DDR2: variants seen among roughly 807,000 people sequenced by gnomAD.
DDR2 encodes the protein discoidin domain-containing receptor 2.
DDR2 carries 27 observed loss-of-function variants against 94.9 expected under a neutral mutation model. The observed-to-expected ratio is 0.28, with a 90% CI of 0.21 to 0.39. The LOEUF is 0.39. Among genes scored for constraint, DDR2 ranks in the 10% least tolerant of loss-of-function variants. The pLI is 1.00. For missense variants in DDR2, 783 were observed against 1,076.0 expected, an observed-to-expected ratio of 0.73 and a Z score of 3.81; for synonymous variants, 382 against 377.2, an observed-to-expected ratio of 1.01 and a Z score of -0.15.
intron 2 of DDR2, among the ~76,000 whole-genome samples, chr1:162,706,959 G>T (rs1218988524): frequency 6.6e-6 from 1 of 152,200 alleles, no homozygotes; most frequent in East Asian, 1.9e-4. Flanking sequence ...TATTATCTTG[G>T]CAAGGATTGC....
chr1:162,763,919 A>G (rs1030850296), intron 9 of DDR2, among the ~76,000 whole-genome samples: 5 of 152,234 alleles, frequency 3.3e-5, no homozygotes, highest in African/African-American at 1.2e-4. Context: ...CATTTTCTTC[A>G]TCCTATTATT....
chr1:162,729,294 ATATATAT>A (rs1244212361), intron 3 of DDR2, among the ~76,000 whole-genome samples: 13 of 30,016 alleles, frequency 4.3e-4, no homozygotes, highest in African/African-American at 4.0e-4. Context: ...ATATATATAT[ATATATAT>A]TTTTTTTTTT....
At chr1:162,708,234 G>T (rs1660743197) in intron 2 of DDR2, among the ~76,000 whole-genome samples, 1 of 152,184 alleles carries the variant, frequency 6.6e-6, no homozygotes, top group Admixed American at 6.5e-5. Flanking sequence ...TCCAAGGAGG[G>T]TCTCCTGCAG....
At chr1:162,640,617 C>T (rs1429181646) in intron 1 of DDR2, among the ~76,000 whole-genome samples, 1 of 152,102 alleles carries the variant, frequency 6.6e-6, no homozygotes, top group African/African-American at 2.4e-5. Context: ...TGAAGGCAGT[C>T]ATTGTAATAT....
At chr1:162,684,985 G>A (rs1462871870) in intron 2 of DDR2, among the ~76,000 whole-genome samples, 1 of 152,136 alleles carries the variant, frequency 6.6e-6, no homozygotes, top group Non-Finnish European at 1.5e-5. Flanking sequence ...TGGGACACAA[G>A]AACTTTTCCC....
At chr1:162,724,682 C>G (rs1040477448) in intron 3 of DDR2, among the ~76,000 whole-genome samples, 1 of 152,194 alleles carries the variant, frequency 6.6e-6, no homozygotes. Context: ...GTGGCCTCAT[C>G]TGTTAACGAG....
rs150385417 is a variant in DDR2, at chr1:162,757,931, A to G, written c.672-1865A>G. On this transcript the variant is annotated intron_variant, in intron 7 of 17. Transcript: ENST00000367921. Reference sequence around the variant, plus strand: ...AAGTTTGACAGTCTAAGTGACTGAAACAATGGGGATGACATTTATTTATTC... The same window carrying G: ...AAGTTTGACAGTCTAAGTGACTGAAGCAATGGGGATGACATTTATTTATTC... 5.1e-3 allele frequency among the ~76,000 whole-genome samples: 776 copies of G among 152,330 alleles called. 2 individuals carry two copies. The highest frequency in any genetic ancestry group is 0.018 in the African/African-American group (735 of 41,574).
intron 2 of DDR2, among the ~76,000 whole-genome samples, chr1:162,694,701 A>C (rs908871888): frequency 1.3e-5 from 2 of 152,146 alleles, no homozygotes; most frequent in Non-Finnish European, 2.9e-5. Flanking sequence ...AATAAATATT[A>C]AAAAAAGAAT....
At chr1:162,766,394 A>G (rs575040063) in intron 10 of DDR2, among the ~76,000 whole-genome samples, 1 of 152,302 alleles carries the variant, frequency 6.6e-6, no homozygotes, top group African/African-American at 2.4e-5. Context: ...AGGGGTGGAA[A>G]TCAAAGAAAC....
At chr1:162,661,956 G>C (rs193174309) in intron 2 of DDR2, among the ~76,000 whole-genome samples, 1 of 152,138 alleles carries the variant, frequency 6.6e-6, no homozygotes, top group Non-Finnish European at 1.5e-5. Context: ...TGAAGAGTCC[G>C]GGTAGACATA....
chr1:162,754,628 G>T lies in DDR2; in HGVS notation c.190G>T (p.Asp64Tyr). ...ESTAAKYGRLDSEEGDGAWCP... is the reference protein window; with the variant it reads ...ESTAAKYGRLYSEEGDGAWCP... ...CCCCAACCCTCACCTCTCAAGGCTG[G>T]ACTCAGAAGAAGGGGATGGAGCCTG... Residue 64 changes from aspartate (D) to tyrosine (Y), a missense_variant, in exon 5 of 18, where the codon GAC (aspartate) becomes TAC (tyrosine). Physicochemically the swap from Asp to Tyr is radical, Grantham distance 160. Coordinates refer to ENST00000367921, the MANE Select transcript of DDR2 (RefSeq NM_006182.4). The T allele has an allele frequency of 1.2e-6, 2 of 1,614,098 alleles. No individual in the cohort carries two copies. Among genetic ancestry groups the T allele is most frequent in the African/African-American group, 2.7e-5 (2 of 75,030 alleles).
chr1:162,729,280 T>TTTTATATATATA (rs1325128003), intron 3 of DDR2, among the ~76,000 whole-genome samples: 1 of 69,760 alleles, frequency 1.4e-5, no homozygotes, highest in African/African-American at 5.2e-5. Context: ...GCATATCCAT[T>TTTTATATATATA]TATATATATA....
chr1:162,775,950 G>A (rs939051423), intron 15 of DDR2, 107 bp downstream of exon 15: 1 of 1,493,318 alleles, frequency 6.7e-7, no homozygotes, highest in Non-Finnish European at 9.3e-7. Flanking sequence ...CTGGGATGGT[G>A]GGGGAAGTCA....
At chr1:162,700,983 T>C (rs575954917) in intron 2 of DDR2, among the ~76,000 whole-genome samples, 2 of 152,178 alleles carry the variant, frequency 1.3e-5, no homozygotes, top group East Asian at 1.9e-4. Flanking sequence ...AGGAGAAACA[T>C]TGAGCAGTGT....
At chr1:162,746,574 C>T (rs1419462956) in intron 3 of DDR2, among the ~76,000 whole-genome samples, 1 of 152,354 alleles carries the variant, frequency 6.6e-6, no homozygotes, top group East Asian at 1.9e-4. Flanking sequence ...GCAGCAGAAA[C>T]TTCTGCAGAC....
chr1:162,678,604 G>T (rs552267327), intron 2 of DDR2, among the ~76,000 whole-genome samples: 26 of 152,322 alleles, frequency 1.7e-4, no homozygotes, highest in Admixed American at 1.6e-3. Flanking sequence ...TAATCCCTCT[G>T]GTCTGTTGCC....
chr1:162,764,262 T>C (rs900476986), intron 9 of DDR2, among the ~76,000 whole-genome samples: 1 of 152,156 alleles, frequency 6.6e-6, no homozygotes, highest in Admixed American at 6.5e-5. Flanking sequence ...GATTGAACAG[T>C]AACTGCAGCA....
chr1:162,760,026 C>T, intron 8 of DDR2, 47 bp downstream of exon 8: 1 of 1,612,998 alleles, frequency 6.2e-7, no homozygotes, highest in South Asian at 1.1e-5. Context: ...AGGCACAAAT[C>T]ATAGTGTGGT....
At chr1:162,696,574 G>T (rs577171556) in intron 2 of DDR2, among the ~76,000 whole-genome samples, 1 of 151,926 alleles carries the variant, frequency 6.6e-6, no homozygotes, top group African/African-American at 2.4e-5. Flanking sequence ...CCAAAGCTGA[G>T]TGAGGGCTTG....
Sources: allele counts gnomAD v4.1 joint callset (sites outside exome capture counted in the v4.1 genomes callset), GRCh38; gene constraint gnomAD v4.1.1; transcripts MANE v1.5; gene names NCBI Gene and HGNC (gene_info 2026-07-23, HGNC 2026-07-21).